EBF2: variants seen among roughly 807,000 people sequenced by gnomAD.
EBF2 encodes the protein EBF transcription factor 2.
In EBF2, 21 loss-of-function variants were observed where a neutral mutation model predicts 72.8. That is an observed-to-expected ratio of 0.29 (90% CI 0.20 to 0.42). The LOEUF (loss-of-function observed/expected upper bound fraction) is 0.42. Ranked by LOEUF, EBF2 falls within the 10% of genes least tolerant of loss-of-function variation. EBF2 has a pLI of 1.00. For synonymous variants in EBF2, 299 were observed against 274.2 expected, an observed-to-expected ratio of 1.09 and a Z score of -0.89; for missense variants, 637 against 731.2, an observed-to-expected ratio of 0.87 and a Z score of 1.49.
intron 6 of EBF2, among the ~76,000 whole-genome samples, chr8:25,974,082 T>C (rs753666919): frequency 6.6e-6 from 1 of 152,172 alleles, no homozygotes; most frequent in South Asian, 2.1e-4. Context: ...ATGGAAACAA[T>C]GCAAAAGATT....
chr8:25,887,657 T>C (rs1802713850), intron 9 of EBF2, among the ~76,000 whole-genome samples, 185 bp downstream of exon 9: 1 of 152,182 alleles, frequency 6.6e-6, no homozygotes, highest in South Asian at 2.1e-4. Flanking sequence ...CACTTTACAA[T>C]TCTAGATTTC....
rs369327900 is a variant in EBF2 at position 25,858,299 on chromosome 8, G to A, written c.1528+20C>T. On this transcript the variant is annotated intron_variant, in intron 14 of 15. Transcript: ENST00000520164. ...GAGACAAAAAAGCATGGAGAGCCAA[G>A]TGATGGAGAGGTCACTTACTTCCAT... is the stretch of plus-strand genomic sequence containing the variant. The A allele has an allele frequency of 1.2e-6, 2 of 1,613,798 alleles. No individual in the cohort carries two copies. The highest frequency in any genetic ancestry group is 3.3e-5 in the Admixed American group (2 of 60,010).
chr8:25,846,415 C>T (rs142113668), intron 15 of EBF2, among the ~76,000 whole-genome samples: 16 of 152,162 alleles, frequency 1.1e-4, no homozygotes, highest in East Asian at 9.7e-4. Flanking sequence ...TGGCTGGGCA[C>T]GGTGGCTAAC....
intron 6 of EBF2, among the ~76,000 whole-genome samples, chr8:26,018,178 A>C (rs1324301764): frequency 6.6e-6 from 1 of 151,724 alleles, no homozygotes; most frequent in Non-Finnish European, 1.5e-5. Flanking sequence ...CAGAACAGCC[A>C]AGGCTAAGTT....
At chr8:25,993,056 A>T (rs1358963347) in intron 6 of EBF2, among the ~76,000 whole-genome samples, 5 of 152,310 alleles carry the variant, frequency 3.3e-5, no homozygotes, top group African/African-American at 7.2e-5. Context: ...TAATAATTCC[A>T]AAGTCCCTAC....
chr8:25,931,384 G>T (rs1043803409), intron 6 of EBF2, among the ~76,000 whole-genome samples: 1 of 152,140 alleles, frequency 6.6e-6, no homozygotes, highest in Non-Finnish European at 1.5e-5. Context: ...TTTGACTCAA[G>T]CAGCAAGGTT....
chr8:26,017,627 C>A (rs534242391), intron 6 of EBF2, among the ~76,000 whole-genome samples: 1 of 152,280 alleles, frequency 6.6e-6, no homozygotes, highest in Non-Finnish European at 1.5e-5. Context: ...CCACAGCATA[C>A]CCATACAACC....
intron 5 of EBF2, among the ~76,000 whole-genome samples, chr8:26,039,456 G>A (rs1263354891): frequency 6.6e-6 from 1 of 152,080 alleles, no homozygotes; most frequent in Non-Finnish European, 1.5e-5. Flanking sequence ...CTTTCTTCCA[G>A]GTAGTTCCTT....
At chr8:25,848,333 G>A (rs1457665018) in intron 15 of EBF2, among the ~76,000 whole-genome samples, 1 of 152,208 alleles carries the variant, frequency 6.6e-6, no homozygotes, top group African/African-American at 2.4e-5. Context: ...GGAATGTGCT[G>A]CTCAGCCCGA....
intron 6 of EBF2, among the ~76,000 whole-genome samples, chr8:25,928,324 T>C (rs1803419763): frequency 6.6e-6 from 1 of 152,174 alleles, no homozygotes; most frequent in Non-Finnish European, 1.5e-5. Flanking sequence ...TTAAGGCTTA[T>C]CTGGGTTAGC....
chr8:26,037,230 G>T (rs1805518272), intron 5 of EBF2, among the ~76,000 whole-genome samples: 1 of 152,138 alleles, frequency 6.6e-6, no homozygotes, highest in South Asian at 2.1e-4. Context: ...AATCATACCT[G>T]CATTTTTTAG....
chr8:25,917,645 T>A (rs543320700), intron 6 of EBF2, among the ~76,000 whole-genome samples: 7 of 152,298 alleles, frequency 4.6e-5, no homozygotes, highest in Admixed American at 6.5e-5. Context: ...CAAATCTATT[T>A]CCCTTGCCAG....
At chr8:25,883,415 CT>C (rs34634008) in intron 10 of EBF2, among the ~76,000 whole-genome samples, 78,554 of 146,220 alleles carry the variant, frequency 0.54, 23,288 homozygotes, top group African/African-American at 0.82. Context: ...AGCCATCTCC[CT>C]TTTTTTTTTT....
At chr8:25,849,442 A>G (rs1739983308) in intron 15 of EBF2, among the ~76,000 whole-genome samples, 1 of 152,214 alleles carries the variant, frequency 6.6e-6, no homozygotes. Context: ...CCCCAGGACA[A>G]TGCAGCCCAT....
intron 7 of EBF2, among the ~76,000 whole-genome samples, chr8:25,895,222 C>A (rs1802848162): frequency 6.6e-6 from 1 of 152,212 alleles, no homozygotes; most frequent in South Asian, 2.1e-4. Context: ...TGATATATTG[C>A]AATGCAAAAG....
chr8:25,917,415 T>A (rs1425873258), intron 6 of EBF2, among the ~76,000 whole-genome samples: 1 of 152,194 alleles, frequency 6.6e-6, no homozygotes, highest in Non-Finnish European at 1.5e-5. Flanking sequence ...ATGTTTGTAA[T>A]TCTAATTGTT....
intron 6 of EBF2, among the ~76,000 whole-genome samples, chr8:25,939,167 A>C (rs565294619): frequency 6.6e-6 from 1 of 152,246 alleles, no homozygotes. Flanking sequence ...AAATTCTGCA[A>C]ACTTTTCCAT....
chr8:25,931,158 G>A (rs967863005), intron 6 of EBF2, among the ~76,000 whole-genome samples: 2 of 152,156 alleles, frequency 1.3e-5, no homozygotes, highest in African/African-American at 2.4e-5. Flanking sequence ...CTGGACTGAA[G>A]GGGCACACTA....
intron 6 of EBF2, among the ~76,000 whole-genome samples, chr8:26,027,577 G>A (rs1244616538): frequency 0.022 from 1 of 46 alleles, no homozygotes; most frequent in Non-Finnish European, 0.042. Flanking sequence ...TTTTAAAAAT[G>A]AAAATGTAAT....
Sources: gnomAD v4.1 joint callset for allele counts (sites outside exome capture counted in the v4.1 genomes callset) on GRCh38, gnomAD v4.1.1 for gene constraint, MANE v1.5 for transcripts, NCBI Gene and HGNC (gene_info 2026-07-23, HGNC 2026-07-21) for gene names.